The following DLEC1 variants were observed in gnomAD, a reference collection of about 807,000 sequenced individuals.
DLEC1 encodes the protein DLEC1 cilia and flagella associated protein, also known as deleted in lung and esophageal cancer protein 1.
A neutral mutation model predicts 198.1 loss-of-function variants in DLEC1; 146 were observed. The observed-to-expected ratio is 0.74, with a 90% CI of 0.64 to 0.85. The LOEUF (loss-of-function observed/expected upper bound fraction) is 0.85, where lower values mean the gene tolerates loss of function less well. Among genes scored for constraint, DLEC1 ranks in the 40% least tolerant of loss-of-function variants. The probability of loss-of-function intolerance (pLI) is 0.00; values close to 1 mark genes in which losing one functional copy is unlikely to be tolerated. For missense variants in DLEC1, 2,233 were observed against 2,220.0 expected (o/e 1.01, Z -0.12); for synonymous variants, 897 against 866.8 (o/e 1.03, Z -0.61).
chr3:38,086,364 C>T lies in DLEC1; in HGVS notation c.1559C>T (p.Pro520Leu). ...FCIMPKTSWPPLSFKAIATVG... is the reference protein window; with the variant it reads ...FCIMPKTSWPLLSFKAIATVG... ...ATTATGCCCAAAACAAGCTGGCCAC[C>T]ACTAAGTTTCAAGGTGAGTGATCAC... Residue 520 changes from proline (P) to leucine (L), a missense_variant, in exon 9 of 37, where the codon CCA becomes CTA. Transcript: ENST00000308059. The T allele has an allele frequency of 3.1e-6, 5 of 1,608,118 alleles. No individual in the cohort carries two copies. Among genetic ancestry groups the T allele is most frequent in the Non-Finnish European group, 4.2e-6 (5 of 1,177,342 alleles).
At chr3:38,092,003 A>G (rs1369779003) in intron 10 of DLEC1, among the ~76,000 whole-genome samples, 3 of 152,234 alleles carry the variant, frequency 2.0e-5, no homozygotes, top group Admixed American at 6.5e-5. Flanking sequence ...ACTACTAGGT[A>G]TATATACAAA....
At chr3:38,083,204 C>CA (rs1189594544) in intron 6 of DLEC1, among the ~76,000 whole-genome samples, 14 of 151,654 alleles carry the variant, frequency 9.2e-5, no homozygotes, top group African/African-American at 3.4e-4. Flanking sequence ...AAGAGACCAC[C>CA]AAACAGGCTT....
Position 38,122,291 on chromosome 3 carries a change from G to A in DLEC1, c.5147G>A (p.Ser1716Asn). The A allele has an allele frequency of 6.2e-7, 1 of 1,612,156 alleles. No individual in the cohort carries two copies. The highest frequency in any genetic ancestry group is 2.2e-5 in the East Asian group (1 of 44,832). Residue 1716 changes from serine (S) to asparagine (N), a missense_variant and splice_region_variant, in exon 37 of 37, where the codon AGT becomes AAT. Ser to Asn is a conservative substitution (Grantham distance 46). Coordinates refer to ENST00000308059, the MANE Select transcript of DLEC1 (RefSeq NM_007335.4). ...IALQVFFTAR[S>N]SELYESTMVV... ...CAGCCCCCACATGCTCCCCACAGGA[G>A]TAGTGAGCTGTACGAGTCCACGATG...
At chr3:38,091,061 G>A (rs998979050) in intron 10 of DLEC1, among the ~76,000 whole-genome samples, 4 of 152,108 alleles carry the variant, frequency 2.6e-5, no homozygotes, top group African/African-American at 9.7e-5. Context: ...TAATAAAATG[G>A]ATTAAAGATT....
At chr3:38,055,429 G>C (rs1696307051) in intron 2 of DLEC1, among the ~76,000 whole-genome samples, 1 of 152,222 alleles carries the variant, frequency 6.6e-6, no homozygotes, top group African/African-American at 2.4e-5. Flanking sequence ...CTTTATAGCA[G>C]CCACAGTGGG....
chr3:38,054,828 C>G lies in DLEC1; in HGVS notation c.563-4914C>G, dbSNP rs77612094. On this transcript the variant is annotated intron_variant, in intron 2 of 36. Transcript: ENST00000308059. ...AGCTCACAGGTAAAATTACCAAGCACATATGGGAAAAGCCACCACGAGTAA... is the reference window on the plus strand; with the variant it reads ...AGCTCACAGGTAAAATTACCAAGCAGATATGGGAAAAGCCACCACGAGTAA... Among the ~76,000 whole-genome samples the G allele has an allele frequency of 7.3e-3, 1,106 of 152,304 alleles. 21 individuals carry two copies. The highest frequency in any genetic ancestry group is 0.026 in the African/African-American group (1,061 of 41,544).
chr3:38,092,318 T>C (rs1575185276), intron 10 of DLEC1, among the ~76,000 whole-genome samples: 1 of 152,338 alleles, frequency 6.6e-6, no homozygotes, highest in East Asian at 1.9e-4. Flanking sequence ...ATTGCACCTA[T>C]ATGTTGGACC....
chr3:38,074,452 C>G (rs2125641262), intron 6 of DLEC1, among the ~76,000 whole-genome samples: 1 of 152,340 alleles, frequency 6.6e-6, no homozygotes, highest in South Asian at 2.1e-4. Flanking sequence ...GGTAAAGCGT[C>G]TAAGGGTTGC....
intron 2 of DLEC1, among the ~76,000 whole-genome samples, chr3:38,046,729 A>G (rs2125578964): frequency 6.6e-6 from 1 of 152,304 alleles, no homozygotes; most frequent in African/African-American, 2.4e-5. Context: ...ATTTTGATTC[A>G]GACAACTTTT....
intron 19 of DLEC1, chr3:38,103,216 A>T (rs1366836108): frequency 1.3e-5 from 2 of 152,098 alleles, no homozygotes; most frequent in African/African-American, 4.8e-5. Context: ...TTTAGCACCC[A>T]CTTGAGTGAG....
Position 38,108,409 on chromosome 3 carries a change from T to G in DLEC1, c.3023T>G (p.Leu1008Arg). Residue 1008 changes from leucine (L) to arginine (R), a missense_variant, in exon 21 of 37, where the codon CTC becomes CGC. Coordinates refer to ENST00000308059, the MANE Select transcript of DLEC1 (RefSeq NM_007335.4). ...GCTCACTCATGTGTCTGCCAGCTCCTCGGACACCAAGCAGAATTCTGCATG... is the reference window on the plus strand; with the variant it reads ...GCTCACTCATGTGTCTGCCAGCTCCGCGGACACCAAGCAGAATTCTGCATG... ...LPTQFHWGKL[L>R]GHQAEFCMVT... is the part of the protein sequence containing the mutation. 1.2e-6 allele frequency: 2 copies of G among 1,613,876 alleles called. No individual in the cohort carries two copies. The highest frequency in any genetic ancestry group is 8.5e-7 in the Non-Finnish European group (1 of 1,179,868).
chr3:38,039,329 G>A lies in DLEC1; in HGVS notation c.104G>A (p.Ser35Asn), dbSNP rs1473608013. 4 of 1,614,114 alleles carry A rather than the reference G, an allele frequency of 2.5e-6. No homozygotes were observed. The highest frequency in any genetic ancestry group is 3.4e-6 in the Non-Finnish European group (4 of 1,180,040). ...APTSPPAGSS[S>N]PSQPTWKSSL... ...ACTTCGCCACCAGCCGGGTCCAGCA[G>A]CCCCAGCCAGCCCACCTGGAAGTCC... Residue 35 changes from serine (S) to asparagine (N), a missense_variant, in exon 1 of 37, where the codon AGC (serine) becomes AAC (asparagine). Ser to Asn is a conservative substitution (Grantham distance 46, BLOSUM62 1). Transcript: ENST00000308059.
Position 38,063,905 on chromosome 3 carries a change from G to T in DLEC1, c.1159G>T (p.Gly387Cys). 6.2e-7 allele frequency: 1 copy of T among 1,612,228 alleles called. No homozygotes were observed. Among genetic ancestry groups the T allele is most frequent in the South Asian group, 1.1e-5 (1 of 90,966 alleles). Residue 387 changes from glycine (G) to cysteine (C), a missense_variant, in exon 6 of 37, where the codon GGT becomes TGT. Coordinates refer to ENST00000308059, the MANE Select transcript of DLEC1 (RefSeq NM_007335.4). Reference protein sequence around the residue: ...PIGFFTDYEIGPVYEMVIALQ... With the variant: ...PIGFFTDYEICPVYEMVIALQ... ...TGGGTTTTTCACAGATTATGAAATT[G>T]GTCCAGTTTATGAGGTAGACATCTT...
rs1033435504 is a variant in DLEC1, at chr3:38,045,680, C to T, written c.549C>T (p.Val183=). The T allele has an allele frequency of 6.2e-7, 1 of 1,612,376 alleles. No individual in the cohort carries two copies. ...GAGTACAGGACCTCGAGAGCCTTGT[C>T]AGGTTGCCTCCAGGTGTGTATAAAG... The part of the protein sequence containing the change: ...QAGVQDLESL[V]RLPPVKSVSR... Residue 183 remains valine (V), a synonymous_variant, in exon 2 of 37, where the codon GTC becomes GTT. Transcript: ENST00000308059.
At chr3:38,106,645 A>T (rs1381770731) in intron 19 of DLEC1, among the ~76,000 whole-genome samples, 2 of 151,042 alleles carry the variant, frequency 1.3e-5, no homozygotes, top group Admixed American at 6.6e-5. Flanking sequence ...AGTCCCAGCT[A>T]CTCGGGAGGC....
chr3:38,117,963 G>A lies in DLEC1; in HGVS notation c.4643G>A (p.Cys1548Tyr), dbSNP rs200092885. The change falls in exon 33 of 37, where the codon TGT becomes TAT. Residue 1548 changes from cysteine to tyrosine, a missense_variant. Transcript: ENST00000308059. ...CCTGGCCCTGGCCAGAAGCAGGAGT[G>A]TGAGGAGGAGACAGCCTCAGCGGAC... ...RAPGPGQKQE[C>Y]EEETASADKQ... is the part of the protein sequence containing the mutation. 23 of 1,613,976 alleles carry A rather than the reference G, an allele frequency of 1.4e-5. 1 individual carries two copies. In the East Asian group the frequency reaches 5.1e-4, roughly 36 times the overall value.
At position 38,080,497 on chromosome 3, in the gene DLEC1, G is replaced by A. The variant is rs13325823; in HGVS notation, c.1174-3661G>A. Among the ~76,000 whole-genome samples, 1,144 of 152,252 alleles carry A rather than the reference G, an allele frequency of 7.5e-3. 14 individuals are homozygous for A. Among genetic ancestry groups the A allele is most frequent in the African/African-American group, 0.025 (1,057 of 41,526 alleles). ...GTGTAAAAGAATGCCTGGACATCAG[G>A]CACCTCAGACCGTTTGCCTATTTTA... is the stretch of plus-strand genomic sequence containing the variant. On this transcript the variant is annotated intron_variant, in intron 6 of 36. Transcript: ENST00000308059.
At position 38,117,194 on chromosome 3, in the gene DLEC1, CTT is replaced by C; in HGVS notation, c.4306-13_4306-12del. 1 of 1,614,158 alleles carries C rather than the reference CTT, an allele frequency of 6.2e-7. No homozygotes were observed. The highest frequency in any genetic ancestry group is 1.1e-5 in the South Asian group (1 of 91,088). On this transcript the variant is annotated splice_polypyrimidine_tract_variant and intron_variant, in intron 30 of 36. Coordinates refer to ENST00000308059, the MANE Select transcript of DLEC1 (RefSeq NM_007335.4). The stretch of plus-strand genomic sequence containing the variant: ...AGCCCAGGGATCAGCTGTGATCAGA[CTT>C]GGGCTCAGTAGGTGGAAAGGGAGAT...
rs756254536 is a variant in DLEC1 at position 38,045,595 on chromosome 3, A to G, written c.464A>G (p.His155Arg). The change falls in exon 2 of 37, where the codon CAT (histidine) becomes CGT (arginine). Residue 155 changes from histidine (H) to arginine (R), a missense_variant. Transcript: ENST00000308059. ...GATGAGTTTGAAATGTTGGAGAGAC[A>G]TATCACTCAGGCCCAAGCACGGGCT... ...RLDEFEMLERHITQAQARAIA... is the reference protein window; with the variant it reads ...RLDEFEMLERRITQAQARAIA... The G allele has an allele frequency of 3.1e-6, 5 of 1,614,044 alleles. No individual in the cohort carries two copies. Among genetic ancestry groups the G allele is most frequent in the East Asian group, 2.2e-5 (1 of 44,888 alleles).
Sources: allele counts gnomAD v4.1 joint callset (sites outside exome capture counted in the v4.1 genomes callset), GRCh38; gene constraint gnomAD v4.1.1; transcripts MANE v1.5; gene names NCBI Gene and HGNC (gene_info 2026-07-23, HGNC 2026-07-21).